Variants in NFATC3 observed in about 807,000 individuals in gnomAD.
The protein encoded by NFATC3 is nuclear factor of activated T cells 3, also known as nuclear factor of activated T-cells, cytoplasmic 3.
In NFATC3, 46 loss-of-function variants were observed where a neutral mutation model predicts 98.6. The observed-to-expected ratio is 0.47, with a 90% CI of 0.37 to 0.60. The LOEUF (loss-of-function observed/expected upper bound fraction) is 0.60, where lower values mean the gene tolerates loss of function less well. Among genes scored for constraint, NFATC3 ranks in the 20% least tolerant of loss-of-function variants. NFATC3 has a pLI of 0.00. For synonymous variants in NFATC3, 512 were observed against 472.2 expected, an observed-to-expected ratio of 1.08 and a Z score of -1.09; for missense variants, 1,256 against 1,295.5, an observed-to-expected ratio of 0.97 and a Z score of 0.47.
intron 1 of NFATC3, among the ~76,000 whole-genome samples, chr16:68,107,708 G>C (rs2035733771): frequency 6.6e-6 from 1 of 151,966 alleles, no homozygotes. Context: ...AGGCGACAGA[G>C]TGAGACACTG....
rs1295800231 is a variant in NFATC3, at chr16:68,228,908, T to C, written c.*2437T>C. ...TAAAAAGAACATGTCTTTGGGTTCA[T>C]GTGTGGTGCTGCTGCCCGGGTGTAA... On this transcript the variant is annotated 3_prime_UTR_variant, in exon 10 of 10. Transcript: ENST00000346183. The C allele has an allele frequency of 6.6e-6, 1 of 152,258 alleles. No individual in the cohort carries two copies. Among genetic ancestry groups the C allele is most frequent in the East Asian group, 1.9e-4 (1 of 5,202 alleles). 9.4% of individuals were successfully genotyped at this position (152,258 alleles called of 1,614,324 possible).
chr16:68,154,964 T>C (rs150050602), intron 3 of NFATC3, among the ~76,000 whole-genome samples: 30 of 152,326 alleles, frequency 2.0e-4, no homozygotes, highest in South Asian at 1.4e-3. Context: ...GAATGGACTA[T>C]AGGGCAACAA....
intron 3 of NFATC3, 66 bp from the exon 4 acceptor site, chr16:68,157,803 T>C: frequency 3.1e-6 from 4 of 1,275,616 alleles, no homozygotes; most frequent in Non-Finnish European, 4.4e-6. Context: ...GACTTACTAT[T>C]GTTGGCATAT....
chr16:68,120,103 C>A (rs1459855931), intron 1 of NFATC3, among the ~76,000 whole-genome samples: 7 of 148,758 alleles, frequency 4.7e-5, no homozygotes, highest in South Asian at 2.1e-4. Flanking sequence ...CAAAACGAGA[C>A]CCTGTCTCTA....
intron 3 of NFATC3, among the ~76,000 whole-genome samples, chr16:68,132,407 C>A (rs1391062772): frequency 6.6e-6 from 1 of 152,110 alleles, no homozygotes; most frequent in Non-Finnish European, 1.5e-5. Context: ...AGGAAAAACC[C>A]TCAAGAATAA....
intron 8 of NFATC3, among the ~76,000 whole-genome samples, chr16:68,186,114 T>C (rs1419700209): frequency 6.6e-6 from 1 of 152,114 alleles, no homozygotes; most frequent in Non-Finnish European, 1.5e-5. Context: ...GTGTAGTACT[T>C]GTTCTGGTTG....
intron 2 of NFATC3, among the ~76,000 whole-genome samples, chr16:68,125,705 C>T (rs1567510560): frequency 6.6e-6 from 1 of 151,982 alleles, no homozygotes; most frequent in Admixed American, 6.6e-5. Context: ...TACAGATATA[C>T]ATAAACAGAA....
chr16:68,221,103 T>A, intron 9 of NFATC3: 1 of 1,403,460 alleles, frequency 7.1e-7, no homozygotes, highest in South Asian at 1.3e-5. Flanking sequence ...CAAGATGACT[T>A]GAAAAATTAA....
chr16:68,218,848 A>G (rs1225710718), intron 9 of NFATC3, among the ~76,000 whole-genome samples: 2 of 151,402 alleles, frequency 1.3e-5, no homozygotes, highest in Non-Finnish European at 2.9e-5. Flanking sequence ...CTGAGATTAC[A>G]GGCGTGAGCC....
At chr16:68,195,885 A>T (rs1398319561) in intron 9 of NFATC3, among the ~76,000 whole-genome samples, 1 of 152,150 alleles carries the variant, frequency 6.6e-6, no homozygotes, top group Non-Finnish European at 1.5e-5. Flanking sequence ...TGGTAGTCTC[A>T]CCCTGTCATC....
intron 7 of NFATC3, among the ~76,000 whole-genome samples, chr16:68,181,856 G>A (rs2039961217): frequency 6.6e-6 from 1 of 152,142 alleles, no homozygotes; most frequent in Non-Finnish European, 1.5e-5. Context: ...GAGCCTGGGA[G>A]GTCAAGGCTG....
At chr16:68,207,765 A>G (rs574561552) in intron 9 of NFATC3, among the ~76,000 whole-genome samples, 5 of 152,090 alleles carry the variant, frequency 3.3e-5, no homozygotes, top group Admixed American at 2.0e-4. Context: ...CCCAGCCTCC[A>G]TGTTCAACTT....
At chr16:68,202,566 C>G (rs2040970399) in intron 9 of NFATC3, among the ~76,000 whole-genome samples, 1 of 152,166 alleles carries the variant, frequency 6.6e-6, no homozygotes, top group African/African-American at 2.4e-5. Context: ...AATCCCAGCA[C>G]TTTGGGAGGC....
intron 6 of NFATC3, among the ~76,000 whole-genome samples, chr16:68,178,618 G>A (rs1470907417): frequency 1.3e-5 from 2 of 152,200 alleles, no homozygotes; most frequent in African/African-American, 4.8e-5. Context: ...TATAGTGATA[G>A]AGACTGAATT....
intron 9 of NFATC3, among the ~76,000 whole-genome samples, chr16:68,215,061 A>G (rs2041580674): frequency 6.6e-6 from 1 of 152,194 alleles, no homozygotes; most frequent in Non-Finnish European, 1.5e-5. Flanking sequence ...AAGAAAATAT[A>G]TGATAGAAAT....
At position 68,157,196 on chromosome 16, in the gene NFATC3, C is replaced by G. The variant is rs1234574209; in HGVS notation, c.1402-673C>G. On this transcript the variant is annotated intron_variant, in intron 3 of 9. Coordinates refer to ENST00000346183, the MANE Select transcript of NFATC3 (RefSeq NM_173165.3). Reference sequence around the variant, plus strand: ...AAACAAAGGCACAAACACATTCTCTCTCTCTGTCTCTGTCTCTCTCTCCTT... The same window carrying G: ...AAACAAAGGCACAAACACATTCTCTGTCTCTGTCTCTGTCTCTCTCTCCTT... Among the ~76,000 whole-genome samples, 4 of 151,830 alleles carry G rather than the reference C, an allele frequency of 2.6e-5. No homozygotes were observed. In the East Asian group the frequency reaches 7.7e-4, roughly 29 times the overall value.
intron 1 of NFATC3, among the ~76,000 whole-genome samples, chr16:68,105,964 C>T (rs752820287): frequency 3.3e-5 from 5 of 151,824 alleles, no homozygotes; most frequent in Non-Finnish European, 5.9e-5. Context: ...CTGCAGCCTC[C>T]GCTTCCTGGG....
intron 9 of NFATC3, among the ~76,000 whole-genome samples, chr16:68,218,535 G>T (rs1185505634): frequency 6.9e-6 from 1 of 144,130 alleles, no homozygotes; most frequent in Middle Eastern, 3.4e-3. Context: ...AAAAAAAAAG[G>T]TGAATTCAGT....
intron 1 of NFATC3, among the ~76,000 whole-genome samples, chr16:68,105,712 A>G (rs1385288982): frequency 6.6e-6 from 1 of 152,152 alleles, no homozygotes; most frequent in African/African-American, 2.4e-5. Flanking sequence ...TGACCAGTGA[A>G]GCCATCTGTT....
Sources: allele counts gnomAD v4.1 joint callset (sites outside exome capture counted in the v4.1 genomes callset), GRCh38; gene constraint gnomAD v4.1.1; transcripts MANE v1.5; gene names NCBI Gene and HGNC (gene_info 2026-07-23, HGNC 2026-07-21).